Variants in TFDP2 observed in about 807,000 individuals in gnomAD.
The protein encoded by TFDP2 is transcription factor Dp-2.
A neutral mutation model predicts 59.3 loss-of-function variants in TFDP2; 17 were observed. That is an observed-to-expected ratio of 0.29 (90% CI 0.20 to 0.43). The LOEUF (loss-of-function observed/expected upper bound fraction) is 0.43. Ranked by LOEUF, TFDP2 falls within the 20% of genes least tolerant of loss-of-function variation. TFDP2 has a pLI of 1.00. For missense variants in TFDP2, 391 were observed against 528.8 expected, an observed-to-expected ratio of 0.74 and a Z score of 2.56; for synonymous variants, 180 against 194.7, an observed-to-expected ratio of 0.92 and a Z score of 0.63.
At chr3:142,011,967 C>T (rs753892126) in intron 3 of TFDP2, among the ~76,000 whole-genome samples, 1 of 151,674 alleles carries the variant, frequency 6.6e-6, no homozygotes, top group African/African-American at 2.4e-5. Context: ...CAAAATTCTA[C>T]ATAAATGCTT....
At chr3:142,084,703 G>C (rs1194825174) in intron 3 of TFDP2, among the ~76,000 whole-genome samples, 1 of 152,072 alleles carries the variant, frequency 6.6e-6, no homozygotes, top group East Asian at 1.9e-4. Flanking sequence ...ATTATGTTAA[G>C]TGAAATAAGC....
intron 4 of TFDP2, among the ~76,000 whole-genome samples, chr3:141,998,243 C>A (rs1278514437): frequency 6.6e-6 from 1 of 152,104 alleles, no homozygotes; most frequent in Non-Finnish European, 1.5e-5. Context: ...ACTTGAACAG[C>A]CACAGAATAT....
Position 142,130,055 on chromosome 3 carries a change from A to G in TFDP2, c.-93+19128T>C, listed in dbSNP as rs528398110. ...GCAGTTTCTCAAAAACGTAAAAATA[A>G]AATTACCTTATGATGTAGCATATAC... On this transcript the variant is annotated intron_variant, in intron 1 of 12. Transcript: ENST00000489671. Among the ~76,000 whole-genome samples the G allele has an allele frequency of 1.3e-4, 20 of 152,144 alleles. No individual in the cohort carries two copies. The South Asian group carries it at 4.2e-3, about 32-fold the overall frequency.
At chr3:142,147,040 CAT>C (rs1271159803) in intron 1 of TFDP2, among the ~76,000 whole-genome samples, 1 of 124,946 alleles carries the variant, frequency 8.0e-6, no homozygotes, top group Non-Finnish European at 1.6e-5. Context: ...GCCTGAGCAA[CAT>C]AGAGAAACCC....
intron 1 of TFDP2, among the ~76,000 whole-genome samples, chr3:142,118,415 G>A (rs1353195746): frequency 6.6e-6 from 1 of 152,168 alleles, no homozygotes; most frequent in Admixed American, 6.5e-5. Flanking sequence ...AAAAACAACT[G>A]TAACACAATC....
chr3:142,047,170 A>C (rs1947382299), intron 3 of TFDP2, among the ~76,000 whole-genome samples: 1 of 152,224 alleles, frequency 6.6e-6, no homozygotes, highest in African/African-American at 2.4e-5. Flanking sequence ...TTTAAACTGA[A>C]GCACTGTAGC....
intron 6 of TFDP2, among the ~76,000 whole-genome samples, chr3:141,984,254 C>A (rs1222348335): frequency 6.6e-6 from 1 of 152,162 alleles, no homozygotes; most frequent in Admixed American, 6.5e-5. Context: ...GTAATCCCAG[C>A]ACTTTGGGAG....
chr3:142,032,237 A>G (rs1946464466), intron 3 of TFDP2, among the ~76,000 whole-genome samples: 1 of 152,008 alleles, frequency 6.6e-6, no homozygotes, highest in Non-Finnish European at 1.5e-5. Flanking sequence ...CCAAGCAGCC[A>G]GGACCACAGG....
At chr3:141,974,722 T>TA (rs139439539) in intron 7 of TFDP2, among the ~76,000 whole-genome samples, 3 of 152,074 alleles carry the variant, frequency 2.0e-5, no homozygotes, top group Admixed American at 1.3e-4. Flanking sequence ...ATTTTAGACT[T>TA]AAAAAAATCA....
chr3:142,095,531 G>C (rs1386034454), intron 2 of TFDP2, among the ~76,000 whole-genome samples: 1 of 152,160 alleles, frequency 6.6e-6, no homozygotes, highest in Non-Finnish European at 1.5e-5. Context: ...CAGTAGCTGA[G>C]ACTAAGTCAT....
intron 3 of TFDP2, among the ~76,000 whole-genome samples, chr3:142,046,645 T>A (rs370378571): frequency 6.6e-6 from 1 of 152,146 alleles, no homozygotes; most frequent in African/African-American, 2.4e-5. Flanking sequence ...TTCCTTAAAT[T>A]TGTAGGTATG....
At chr3:142,021,232 T>C (rs578185167) in intron 3 of TFDP2, among the ~76,000 whole-genome samples, 2 of 152,296 alleles carry the variant, frequency 1.3e-5, no homozygotes, top group Admixed American at 1.3e-4. Context: ...CAAAGTATAA[T>C]GGTTAAAGTG....
chr3:142,056,326 AAGAC>A lies in TFDP2; in HGVS notation c.82+36731_82+36734del, dbSNP rs1225967228. ...ACAGTGAATTAAAAAAAAAAAAAAAAAGACAGTTTATTCCCATGGAGAAGTTTCA... is the reference window on the plus strand; with the variant it reads ...ACAGTGAATTAAAAAAAAAAAAAAAAAGTTTATTCCCATGGAGAAGTTTCA... On this transcript the variant is annotated intron_variant, in intron 3 of 12. Transcript: ENST00000489671. Among the ~76,000 whole-genome samples, 6 of 149,340 alleles carry A rather than the reference AAGAC, an allele frequency of 4.0e-5. No homozygotes were observed. In the South Asian group the frequency reaches 1.1e-3, roughly 26 times the overall value.
chr3:141,948,795 C>G lies in TFDP2; in HGVS notation c.*3718G>C, dbSNP rs1935553998. 6.6e-6 allele frequency: 1 copy of G among 151,738 alleles called. No homozygotes were observed. The highest frequency in any genetic ancestry group is 2.4e-5 in the African/African-American group (1 of 41,286). The allele number at this position is 151,738 out of a possible 1,614,324, so 9.4% of individuals were successfully genotyped here. A position where few individuals can be genotyped will look rare whatever the true frequency, so the allele number is the denominator to read the frequency against. ...GATGTCTTGCAGGGCTAAACTGAAC[C>G]ACTCCTCTGTGAAATATTTCCATTT... On this transcript the variant is annotated 3_prime_UTR_variant, in exon 13 of 13. Coordinates refer to ENST00000489671, the MANE Select transcript of TFDP2 (RefSeq NM_001178139.2).
In TFDP2 at chr3:141,949,611, A is replaced by C. The variant is rs2163294; in HGVS notation, c.*2902T>G. 79,549 of 151,984 alleles carry C rather than the reference A, an allele frequency of 0.52. 22,798 individuals carry two copies. The highest frequency in any genetic ancestry group is 0.8 in the East Asian group (4,110 of 5,130). 9.4% of individuals were successfully genotyped at this position (151,984 alleles called of 1,614,324 possible). On this transcript the variant is annotated 3_prime_UTR_variant, in exon 13 of 13. Transcript: ENST00000489671. The stretch of plus-strand genomic sequence containing the variant: ...TCCTAGTGCCACTGTGCGTGTGCTA[A>C]GTAGAGCCAGCACTTCCTCCATGAA...
intron 3 of TFDP2, among the ~76,000 whole-genome samples, chr3:142,039,477 C>T (rs1576803194): frequency 6.6e-6 from 1 of 152,084 alleles, no homozygotes; most frequent in African/African-American, 2.4e-5. Flanking sequence ...GCCTCGACCT[C>T]CTGGGTTCAA....
chr3:141,982,130 T>C (rs1386494209), intron 6 of TFDP2, among the ~76,000 whole-genome samples: 1 of 152,156 alleles, frequency 6.6e-6, no homozygotes, highest in Non-Finnish European at 1.5e-5. Flanking sequence ...GGATTTTAAA[T>C]ACTTAATATA....
chr3:141,960,559 G>A (rs567774373), intron 10 of TFDP2, among the ~76,000 whole-genome samples: 59 of 152,300 alleles, frequency 3.9e-4, no homozygotes, highest in African/African-American at 1.4e-3. Context: ...CAGGGACAGG[G>A]TTTGGGGACA....
intron 3 of TFDP2, among the ~76,000 whole-genome samples, chr3:142,010,129 A>G (rs1258165538): frequency 2.0e-5 from 3 of 152,358 alleles, no homozygotes; most frequent in African/African-American, 7.2e-5. Flanking sequence ...GACAAATGTC[A>G]GGCTGGTAAA....
Sources: gnomAD v4.1 joint callset for allele counts (sites outside exome capture counted in the v4.1 genomes callset) on GRCh38, gnomAD v4.1.1 for gene constraint, MANE v1.5 for transcripts, NCBI Gene and HGNC (gene_info 2026-07-23, HGNC 2026-07-21) for gene names.